AUH: variants seen among roughly 807,000 people sequenced by gnomAD.
The protein encoded by AUH is methylglutaconyl-CoA hydratase, mitochondrial.
Under a neutral mutation model 42.3 loss-of-function variants are expected in AUH, and 29 were observed. The observed-to-expected ratio is 0.69, with a 90% confidence interval of 0.51 to 0.93. The LOEUF (loss-of-function observed/expected upper bound fraction) is 0.93. AUH is among the 40% of genes least tolerant of loss of function. The pLI is 0.00. For synonymous variants in AUH, 174 were observed against 166.4 expected, an observed-to-expected ratio of 1.05 and a Z score of -0.35; for missense variants, 452 against 438.1, an observed-to-expected ratio of 1.03 and a Z score of -0.28.
rs958844070 is a variant in AUH at position 91,225,530 on chromosome 9, T to C, written c.656-4538A>G. Among the ~76,000 whole-genome samples the C allele has an allele frequency of 4.6e-5, 7 of 152,070 alleles. No homozygotes were observed. In the South Asian group the frequency reaches 6.2e-4, roughly 13 times the overall value. ...GCATCTGAATTCAGGATTCCTAAAG[T>C]GCCAGTTCTTTTTTTTTATTATTAT... On this transcript the variant is annotated intron_variant, in intron 6 of 9. Coordinates refer to ENST00000375731, the MANE Select transcript of AUH (RefSeq NM_001698.3).
intron 6 of AUH, among the ~76,000 whole-genome samples, chr9:91,260,764 T>C (rs1554698612): frequency 6.6e-6 from 1 of 152,194 alleles, no homozygotes; most frequent in Non-Finnish European, 1.5e-5. Flanking sequence ...CTTGATAATA[T>C]GTATATACAA....
intron 6 of AUH, among the ~76,000 whole-genome samples, chr9:91,258,378 G>T (rs1239315865): frequency 6.6e-6 from 1 of 152,134 alleles, no homozygotes; most frequent in Non-Finnish European, 1.5e-5. Flanking sequence ...TGGGACTACA[G>T]GCATGCACCA....
chr9:91,273,289 T>A (rs917464030), intron 6 of AUH, among the ~76,000 whole-genome samples: 1 of 152,152 alleles, frequency 6.6e-6, no homozygotes, highest in Non-Finnish European at 1.5e-5. Flanking sequence ...AACACACACA[T>A]GCACACAAAA....
At chr9:91,263,438 T>A (rs1829806054) in intron 6 of AUH, among the ~76,000 whole-genome samples, 1 of 152,118 alleles carries the variant, frequency 6.6e-6, no homozygotes, top group East Asian at 1.9e-4. Context: ...ATAACTCAGT[T>A]TTAAAAGCCA....
intron 3 of AUH, among the ~76,000 whole-genome samples, chr9:91,330,033 GTATAA>G (rs1182156648): frequency 1.3e-5 from 2 of 152,028 alleles, no homozygotes; most frequent in Non-Finnish European, 2.9e-5. Context: ...GGATTGAAAG[GTATAA>G]TAAAACAGTC....
At chr9:91,295,205 G>C (rs1458611277) in intron 6 of AUH, among the ~76,000 whole-genome samples, 1 of 152,150 alleles carries the variant, frequency 6.6e-6, no homozygotes, top group East Asian at 1.9e-4. Context: ...CAGCCATGTA[G>C]AACTGTGAGT....
chr9:91,361,132 T>A (rs1832816870), intron 1 of AUH, among the ~76,000 whole-genome samples: 1 of 152,230 alleles, frequency 6.6e-6, no homozygotes, highest in South Asian at 2.1e-4. Flanking sequence ...CCCTCAAGAC[T>A]AACTTTCTAA....
intron 4 of AUH, among the ~76,000 whole-genome samples, chr9:91,298,956 C>T (rs544807321): frequency 1.8e-4 from 28 of 152,264 alleles, no homozygotes; most frequent in Admixed American, 3.3e-4. Context: ...CTGTGGCTCA[C>T]GCCTGTAATC....
intron 7 of AUH, among the ~76,000 whole-genome samples, chr9:91,220,547 T>G (rs1257557307): frequency 3.3e-5 from 5 of 152,224 alleles, no homozygotes; most frequent in Non-Finnish European, 7.3e-5. Flanking sequence ...TGTGCACATG[T>G]GACAAGCATT....
At chr9:91,290,805 G>C (rs988307085) in intron 6 of AUH, among the ~76,000 whole-genome samples, 1 of 152,112 alleles carries the variant, frequency 6.6e-6, no homozygotes, top group African/African-American at 2.4e-5. Flanking sequence ...TCAAGTCACA[G>C]TAAATATCCA....
intron 6 of AUH, among the ~76,000 whole-genome samples, chr9:91,254,449 T>C (rs1468778909): frequency 6.6e-6 from 1 of 152,194 alleles, no homozygotes; most frequent in Non-Finnish European, 1.5e-5. Flanking sequence ...ATGCTTTCTT[T>C]AGTAAGCAAT....
At chr9:91,249,292 C>CAAAAAAAAAAAAAAAAAAGA (rs1828980424) in intron 6 of AUH, among the ~76,000 whole-genome samples, 1 of 32,504 alleles carries the variant, frequency 3.1e-5, no homozygotes, top group Non-Finnish European at 6.0e-5. Context: ...GAACCTGTCT[C>CAAAAAAAAAAAAAAAAAAGA]AAAAAAAAAA....
At chr9:91,250,110 A>G (rs1829044404) in intron 6 of AUH, among the ~76,000 whole-genome samples, 2 of 152,054 alleles carry the variant, frequency 1.3e-5, no homozygotes, top group South Asian at 4.1e-4. Flanking sequence ...AATTGTCTCC[A>G]GGCAGAAGGA....
intron 6 of AUH, among the ~76,000 whole-genome samples, chr9:91,263,851 A>G (rs1457219459): frequency 1.3e-5 from 2 of 152,198 alleles, no homozygotes; most frequent in Middle Eastern, 3.2e-3. Flanking sequence ...ACTAATCTTC[A>G]ACTGCCTCTC....
At chr9:91,353,555 A>T (rs2132064268) in intron 3 of AUH, among the ~76,000 whole-genome samples, 1 of 152,272 alleles carries the variant, frequency 6.6e-6, no homozygotes, top group African/African-American at 2.4e-5. Flanking sequence ...TTATTTACCT[A>T]TAATTTTATT....
chr9:91,263,978 C>T (rs575942132), intron 6 of AUH, among the ~76,000 whole-genome samples: 2 of 152,286 alleles, frequency 1.3e-5, no homozygotes, highest in African/African-American at 4.8e-5. Context: ...AGCCACAACA[C>T]ACTTTTCCTC....
At chr9:91,264,433 A>G (rs1829861859) in intron 6 of AUH, among the ~76,000 whole-genome samples, 1 of 152,156 alleles carries the variant, frequency 6.6e-6, no homozygotes, top group Non-Finnish European at 1.5e-5. Context: ...GTTTTGCTTC[A>G]AGAGTCTTTT....
chr9:91,297,619 G>A (rs545187460), intron 5 of AUH, among the ~76,000 whole-genome samples: 1 of 150,316 alleles, frequency 6.7e-6, no homozygotes, highest in Non-Finnish European at 1.5e-5. Context: ...TTTAAACAGG[G>A]TCTCCCTCTG....
chr9:91,267,450 T>C (rs1830037739), intron 6 of AUH, among the ~76,000 whole-genome samples: 1 of 152,326 alleles, frequency 6.6e-6, no homozygotes, highest in East Asian at 1.9e-4. Flanking sequence ...TTACGGTGTC[T>C]TGCTCTTGTT....
Sources: allele counts gnomAD v4.1 joint callset (sites outside exome capture counted in the v4.1 genomes callset), GRCh38; gene constraint gnomAD v4.1.1; transcripts MANE v1.5; gene names NCBI Gene and HGNC (gene_info 2026-07-23, HGNC 2026-07-21).